The following PTPRQ variants were observed in gnomAD, a reference collection of about 807,000 sequenced individuals.
PTPRQ encodes the protein phosphatidylinositol phosphatase PTPRQ.
Under a neutral mutation model 246.0 loss-of-function variants are expected in PTPRQ, and 199 were observed. The observed-to-expected ratio is 0.81, with a 90% CI of 0.72 to 0.91. The LOEUF (loss-of-function observed/expected upper bound fraction) is 0.91. PTPRQ is among the 40% of genes least tolerant of loss of function. The pLI, the probability that PTPRQ is intolerant of heterozygous loss-of-function variation, is 0.00. For missense variants in PTPRQ, 2,624 were observed against 2,528.4 expected, an observed-to-expected ratio of 1.04 and a Z score of -0.81; for synonymous variants, 869 against 853.2, an observed-to-expected ratio of 1.02 and a Z score of -0.32.
At chr12:80,488,450 A>G (rs139149226) in intron 9 of PTPRQ, among the ~76,000 whole-genome samples, 3 of 152,218 alleles carry the variant, frequency 2.0e-5, no homozygotes, top group Non-Finnish European at 4.4e-5. Flanking sequence ...ACGAAGGTAT[A>G]TATGTGTTTA....
intron 25 of PTPRQ, among the ~76,000 whole-genome samples, chr12:80,581,329 CAA>C (rs2120994097): frequency 1.3e-5 from 2 of 152,206 alleles, no homozygotes; most frequent in South Asian, 4.1e-4. Flanking sequence ...TTAATGAAAA[CAA>C]AAGTCAATAT....
intron 25 of PTPRQ, among the ~76,000 whole-genome samples, chr12:80,571,961 A>G (rs994953053): frequency 6.6e-5 from 10 of 152,068 alleles, no homozygotes; most frequent in African/African-American, 2.4e-4. Flanking sequence ...TGTAAGTTCT[A>G]CAAATGTGTT....
At chr12:80,581,652 A>C (rs1897439119) in intron 25 of PTPRQ, among the ~76,000 whole-genome samples, 1 of 152,098 alleles carries the variant, frequency 6.6e-6, no homozygotes, top group African/African-American at 2.4e-5. Flanking sequence ...AAAAAGTAAA[A>C]ATTTCCACAT....
intron 9 of PTPRQ, among the ~76,000 whole-genome samples, chr12:80,486,444 G>T (rs1894277966): frequency 1.3e-5 from 2 of 152,112 alleles, no homozygotes; most frequent in African/African-American, 4.8e-5. Context: ...GATTGATGTG[G>T]GGAGACAGAT....
intron 39 of PTPRQ, among the ~76,000 whole-genome samples, chr12:80,665,712 A>T (rs994823288): frequency 1.3e-5 from 2 of 151,994 alleles, no homozygotes; most frequent in African/African-American, 4.8e-5. Context: ...CCAACAAGGG[A>T]TTAATATCCA....
At chr12:80,599,780 C>A (rs929226400) in intron 26 of PTPRQ, among the ~76,000 whole-genome samples, 1 of 151,190 alleles carries the variant, frequency 6.6e-6, no homozygotes, top group African/African-American at 2.4e-5. Flanking sequence ...CTAAATATTT[C>A]TCTTAAATTA....
At chr12:80,461,965 C>T in intron 6 of PTPRQ, 1 of 667,254 alleles carries the variant, frequency 1.5e-6, no homozygotes, top group East Asian at 2.8e-5. Flanking sequence ...TCCGCATTTT[C>T]ATCTAAGGTA....
At chr12:80,544,410 T>A (rs551706310) in intron 23 of PTPRQ, among the ~76,000 whole-genome samples, 46 of 152,154 alleles carry the variant, frequency 3.0e-4, no homozygotes, top group Non-Finnish European at 6.5e-4. Flanking sequence ...TGAGAATAAC[T>A]TGTATTCTAA....
At chr12:80,677,547 G>T (rs1249474571) in intron 43 of PTPRQ, among the ~76,000 whole-genome samples, 35 of 152,104 alleles carry the variant, frequency 2.3e-4, no homozygotes, top group Admixed American at 2.3e-3. Context: ...TATGTGCCCG[G>T]CACTATTATA....
At chr12:80,654,150 C>T (rs1281220440) in intron 38 of PTPRQ, among the ~76,000 whole-genome samples, 4 of 150,952 alleles carry the variant, frequency 2.6e-5, no homozygotes, top group South Asian at 2.1e-4. Flanking sequence ...GGCTGGAGTG[C>T]GGTAGTGCAA....
At chr12:80,501,297 G>T (rs1779402795) in intron 14 of PTPRQ, among the ~76,000 whole-genome samples, 1 of 151,900 alleles carries the variant, frequency 6.6e-6, no homozygotes, top group Non-Finnish European at 1.5e-5. Flanking sequence ...TTCAAAGATT[G>T]CTGCTGAATA....
chr12:80,639,051 G>A (rs1330956421), intron 35 of PTPRQ, among the ~76,000 whole-genome samples: 1 of 152,120 alleles, frequency 6.6e-6, no homozygotes, highest in African/African-American at 2.4e-5. Flanking sequence ...AGGTTTCTTA[G>A]AGCTCTTATT....
rs571931672 is a variant in PTPRQ at position 80,622,267 on chromosome 12, G to A, written c.5686+133G>A. On this transcript the variant is annotated intron_variant, in intron 33 of 44. Coordinates refer to ENST00000644991, the MANE Select transcript of PTPRQ (RefSeq NM_001145026.2). ...ATTTAAATGTTAATTAGCCTCTCTA[G>A]TAATATTTGTGGGTTTTTAAAATTT... 14 of 798,792 alleles carry A rather than the reference G, an allele frequency of 1.8e-5. No individual in the cohort carries two copies. In the African/African-American group the frequency reaches 2.2e-4, roughly 12 times the overall value. The allele number at this position is 798,792 out of a possible 1,614,324, so 49.5% of individuals were successfully genotyped here.
At chr12:80,530,202 T>A (rs117871060) in intron 17 of PTPRQ, among the ~76,000 whole-genome samples, 1 of 152,188 alleles carries the variant, frequency 6.6e-6, no homozygotes, top group Non-Finnish European at 1.5e-5. Context: ...TTTTTTATAC[T>A]GTGGTCACAA....
In PTPRQ at chr12:80,556,113, C is replaced by T. The variant is rs1000452406; in HGVS notation, c.4285+6379C>T. 3.3e-5 allele frequency among the ~76,000 whole-genome samples: 5 copies of T among 152,066 alleles called. No individual in the cohort carries two copies. In the South Asian group the frequency reaches 6.2e-4, roughly 19 times the overall value. On this transcript the variant is annotated intron_variant, in intron 25 of 44. Coordinates refer to ENST00000644991, the MANE Select transcript of PTPRQ (RefSeq NM_001145026.2). ...CACAATCTCAGCTCACTGCAACTTC[C>T]GCCTCCTGGGTTCAAGTGATTCTCA...
intron 7 of PTPRQ, among the ~76,000 whole-genome samples, chr12:80,470,987 A>G (rs1199676107): frequency 6.6e-6 from 1 of 152,202 alleles, no homozygotes; most frequent in Non-Finnish European, 1.5e-5. Context: ...TAATTTAAGG[A>G]TTAAGTCTCA....
At chr12:80,663,785 A>G (rs1255901396) in intron 39 of PTPRQ, among the ~76,000 whole-genome samples, 1 of 151,746 alleles carries the variant, frequency 6.6e-6, no homozygotes, top group Non-Finnish European at 1.5e-5. Context: ...TTTCACCACC[A>G]AGAATTGTAG....
At chr12:80,575,822 A>G (rs1052799458) in intron 25 of PTPRQ, among the ~76,000 whole-genome samples, 3 of 149,696 alleles carry the variant, frequency 2.0e-5, no homozygotes, top group African/African-American at 7.4e-5. Context: ...CTGGGCAACA[A>G]GAGCGAAACC....
chr12:80,509,695 C>A (rs1389873977), intron 16 of PTPRQ, among the ~76,000 whole-genome samples: 1 of 152,062 alleles, frequency 6.6e-6, no homozygotes, highest in Non-Finnish European at 1.5e-5. Flanking sequence ...ATATTTTACA[C>A]TATTACAGCA....
Sources: allele counts gnomAD v4.1 joint callset (sites outside exome capture counted in the v4.1 genomes callset), GRCh38; gene constraint gnomAD v4.1.1; transcripts MANE v1.5; gene names NCBI Gene and HGNC (gene_info 2026-07-23, HGNC 2026-07-21).